Variants in SHISA9 observed in about 807,000 individuals in gnomAD.
The protein encoded by SHISA9 is shisa family member 9, also known as protein shisa-9.
In SHISA9, 13 loss-of-function variants were observed where a neutral mutation model predicts 38.0. The ratio of observed to expected loss-of-function variants is 0.34; its 90% confidence interval spans 0.22 to 0.54. SHISA9 has a LOEUF of 0.54. SHISA9 is among the 20% of genes least tolerant of loss of function. The pLI, the probability that SHISA9 is intolerant of heterozygous loss-of-function variation, is 0.91. For synonymous variants in SHISA9, 275 were observed against 242.0 expected, an observed-to-expected ratio of 1.14 and a Z score of -1.27; for missense variants, 538 against 575.8, an observed-to-expected ratio of 0.93 and a Z score of 0.67.
chr16:13,244,112 T>G (rs1035087248), downstream of SHISA9, among the ~76,000 whole-genome samples: 3 of 152,174 alleles, frequency 2.0e-5, no homozygotes, highest in African/African-American at 7.2e-5. Context: ...ATTCTTAATG[T>G]TCTTAGGCCA....
chr16:13,144,578 C>A (rs528844951), intron 2 of SHISA9, among the ~76,000 whole-genome samples: 5 of 151,900 alleles, frequency 3.3e-5, no homozygotes, highest in African/African-American at 1.2e-4. Context: ...ATTACGAGGT[C>A]GGGGAAAGAA....
the SHISA9 span, among the ~76,000 whole-genome samples, chr16:13,461,683 G>A: frequency 2.9e-5 from 4 of 138,130 alleles, no homozygotes; most frequent in South Asian, 2.3e-4. Flanking sequence ...GCATGATCTC[G>A]GCTCACTGCA....
intron 2 of SHISA9, among the ~76,000 whole-genome samples, chr16:13,200,446 G>C (rs1304212618): frequency 3.0e-5 from 3 of 99,714 alleles, no homozygotes; most frequent in African/African-American, 4.7e-5. Context: ...ACACACAGCA[G>C]CAGCAGCAGC....
At chr16:13,513,316 A>T in the SHISA9 span, among the ~76,000 whole-genome samples, 1 of 152,078 alleles carries the variant, frequency 6.6e-6, no homozygotes. Flanking sequence ...CAGAATGGCA[A>T]TTATTAAAAA....
the SHISA9 span, among the ~76,000 whole-genome samples, chr16:13,253,929 C>G: frequency 6.6e-6 from 1 of 151,876 alleles, no homozygotes. Context: ...TTTTAAAAAT[C>G]CTTCCACTTC....
chr16:13,500,455 G>A, the SHISA9 span, among the ~76,000 whole-genome samples: 2 of 152,244 alleles, frequency 1.3e-5, no homozygotes, highest in Admixed American at 6.5e-5. Context: ...AAGAACCAGC[G>A]TAAAGTTTCT....
chr16:13,316,031 G>A, the SHISA9 span, among the ~76,000 whole-genome samples: 129 of 151,386 alleles, frequency 8.5e-4, 1 homozygote, highest in African/African-American at 3.0e-3. Flanking sequence ...AAAAAAGAGA[G>A]AGAGCTTCAG....
chr16:13,068,462 C>T (rs1290347889), intron 2 of SHISA9, among the ~76,000 whole-genome samples: 1 of 152,220 alleles, frequency 6.6e-6, no homozygotes, highest in Non-Finnish European at 1.5e-5. Context: ...CACTAGGGGA[C>T]ATTGGGAATA....
rs1337116269 is a variant in SHISA9, at chr16:13,201,642, C to T, written c.692-1752C>T. 2.3e-5 allele frequency among the ~76,000 whole-genome samples: 3 copies of T among 131,354 alleles called. 1 individual carries two copies. The highest frequency in any genetic ancestry group is 2.4e-4 in the South Asian group (1 of 4,230). 86.2% of individuals were successfully genotyped at this position (131,354 alleles called of 152,430 possible). On this transcript the variant is annotated intron_variant, in intron 2 of 4. Coordinates refer to ENST00000558583, the MANE Select transcript of SHISA9 (RefSeq NM_001145204.3). ...CTGGCCCTTTACAGAAAAAGTTTCC[C>T]GACTCCTACTCTAAACTTGTCCCAG...
chr16:13,197,071 G>T (rs1427996631), intron 2 of SHISA9, among the ~76,000 whole-genome samples: 1 of 144,694 alleles, frequency 6.9e-6, no homozygotes, highest in Non-Finnish European at 1.5e-5. Context: ...CAGCCTGGGT[G>T]ACAGAGTGAA....
chr16:13,485,201 C>A, the SHISA9 span, among the ~76,000 whole-genome samples: 1 of 151,978 alleles, frequency 6.6e-6, no homozygotes, highest in Non-Finnish European at 1.5e-5. Context: ...TGCCCCGCAC[C>A]CCCCGACAGG....
the SHISA9 span, among the ~76,000 whole-genome samples, chr16:13,456,061 T>TC: frequency 6.6e-6 from 1 of 152,180 alleles, no homozygotes; most frequent in Admixed American, 6.5e-5. Flanking sequence ...TTCTCCATTG[T>TC]CCTAGGAGAG....
chr16:12,963,796 G>C (rs2071942593), intron 2 of SHISA9, among the ~76,000 whole-genome samples: 1 of 152,168 alleles, frequency 6.6e-6, no homozygotes, highest in Non-Finnish European at 1.5e-5. Flanking sequence ...CTTTTGAGTT[G>C]AGTTGTGAAC....
chr16:13,019,820 CTTTCTTTCTTTCTT>C (rs2072807818), intron 2 of SHISA9, among the ~76,000 whole-genome samples: 1 of 129,148 alleles, frequency 7.7e-6, no homozygotes, highest in African/African-American at 3.0e-5. Flanking sequence ...TTCTTTCTTT[CTTTCTTTCTTTCTT>C]TTTCCTTCCT....
chr16:13,497,889 C>G, the SHISA9 span, among the ~76,000 whole-genome samples: 2 of 151,600 alleles, frequency 1.3e-5, no homozygotes, highest in African/African-American at 4.9e-5. Context: ...GCTTTAAATA[C>G]CAAAATAAAT....
intron 2 of SHISA9, among the ~76,000 whole-genome samples, chr16:13,079,059 C>T (rs908364007): frequency 2.0e-5 from 3 of 152,268 alleles, no homozygotes; most frequent in Admixed American, 1.3e-4. Flanking sequence ...AGCTTTGATT[C>T]CCTCCTCTTT....
At chr16:12,987,482 A>G (rs1386353785) in intron 2 of SHISA9, among the ~76,000 whole-genome samples, 2 of 152,204 alleles carry the variant, frequency 1.3e-5, no homozygotes, top group Non-Finnish European at 2.9e-5. Context: ...TCCTCAGCAA[A>G]CTAACACAGG....
chr16:12,934,959 G>A (rs968076264), intron 2 of SHISA9, among the ~76,000 whole-genome samples: 1 of 152,118 alleles, frequency 6.6e-6, no homozygotes, highest in Non-Finnish European at 1.5e-5. Flanking sequence ...CAGGAACCAG[G>A]GCAGCTCCAA....
intron 2 of SHISA9, among the ~76,000 whole-genome samples, chr16:13,019,370 G>C (rs2072794928): frequency 6.6e-6 from 1 of 152,128 alleles, no homozygotes. Context: ...CCATTTTCTG[G>C]TGGGGGAAGC....
Sources: allele counts gnomAD v4.1 joint callset (sites outside exome capture counted in the v4.1 genomes callset), GRCh38; gene constraint gnomAD v4.1.1; transcripts MANE v1.5; gene names NCBI Gene and HGNC (gene_info 2026-07-23, HGNC 2026-07-21).